Variants in TSBP1 observed in about 807,000 individuals in gnomAD.
The protein encoded by TSBP1 is testis-expressed basic protein 1.
Under a neutral mutation model 68.8 loss-of-function variants are expected in TSBP1, and 56 were observed. The ratio of observed to expected loss-of-function variants is 0.81; its 90% CI spans 0.66 to 1.02. The LOEUF (loss-of-function observed/expected upper bound fraction) is 1.02, where lower values mean the gene tolerates loss of function less well. Ranked by LOEUF, TSBP1 falls within the 50% of genes least tolerant of loss-of-function variation. The pLI, the probability that TSBP1 is intolerant of heterozygous loss-of-function variation, is 0.00. For missense variants in TSBP1, 502 were observed against 641.2 expected (o/e 0.78, Z 2.34); for synonymous variants, 171 against 208.7 (o/e 0.82, Z 1.56).
At chr6:32,366,410 G>T (rs1051624433) in intron 4 of TSBP1, 108 bp from the exon 5 acceptor site, 36 of 1,050,786 alleles carry the variant, frequency 3.4e-5, no homozygotes, top group Non-Finnish European at 5.3e-5. Flanking sequence ...AGATCTCTGA[G>T]AAGAAAAATC....
intron 19 of TSBP1, among the ~76,000 whole-genome samples, chr6:32,307,708 C>T (rs1430678668): frequency 6.6e-6 from 1 of 150,734 alleles, no homozygotes; most frequent in Non-Finnish European, 1.5e-5. Context: ...TATAAGCTCA[C>T]AACTTTCACT....
At chr6:32,335,000 C>T (rs768130448) in intron 14 of TSBP1, among the ~76,000 whole-genome samples, 1 of 152,060 alleles carries the variant, frequency 6.6e-6, no homozygotes, top group Non-Finnish European at 1.5e-5. Context: ...TGCCACTGCA[C>T]TCCAGCCCGG....
intron 9 of TSBP1, among the ~76,000 whole-genome samples, chr6:32,347,143 A>G (rs2127623830): frequency 6.8e-6 from 1 of 146,836 alleles, no homozygotes; most frequent in Non-Finnish European, 1.5e-5. Flanking sequence ...TTAAAAAACC[A>G]TGTCTCTTAC....
chr6:32,304,877 CT>C lies in TSBP1; in HGVS notation c.581-2249del, dbSNP rs1210425169. Among the ~76,000 whole-genome samples the C allele has an allele frequency of 2.0e-5, 3 of 152,172 alleles. No individual in the cohort carries two copies. The highest frequency in any genetic ancestry group is 4.8e-5 in the African/African-American group (2 of 41,544). The stretch of plus-strand genomic sequence containing the variant: ...CTTATTTTAAGTTTTGCTTCTTTTA[CT>C]TTTTTTCCTATTTCAGTCTCTAATC... On this transcript the variant is annotated intron_variant, in intron 19 of 22. Coordinates refer to ENST00000612031, the Ensembl canonical transcript of TSBP1. This position sits in a 1 kb window ranked among gnomAD's most constrained non-coding sequence, Gnocchi z 4.8.
chr6:32,367,753 T>C (rs1773923434), intron 4 of TSBP1, among the ~76,000 whole-genome samples, 172 bp downstream of exon 4: 1 of 143,022 alleles, frequency 7.0e-6, no homozygotes, highest in South Asian at 2.5e-4. Context: ...TTACCTTTTC[T>C]GAGAAAAATG....
intron 22 of TSBP1, among the ~76,000 whole-genome samples, chr6:32,299,595 C>T (rs973139847): frequency 2.0e-5 from 3 of 152,174 alleles, no homozygotes; most frequent in African/African-American, 7.2e-5. Context: ...GCTTCATCTT[C>T]TCTACAGCAA....
rs1366736181 is a variant in TSBP1, at chr6:32,321,589, A to T, written c.559+1528T>A. On this transcript the variant is annotated intron_variant, in intron 18 of 22. Coordinates refer to ENST00000612031, the Ensembl canonical transcript of TSBP1. The surrounding 1 kb of genome is among the most constrained non-coding windows in gnomAD (Gnocchi z 4.3). ...GTATTTTTATCTGTGCCGTGAGAAT[A>T]CTTAGCCGATCAGCCTCTTTGCTAA... is the stretch of plus-strand genomic sequence containing the variant. 1.3e-5 allele frequency among the ~76,000 whole-genome samples: 2 copies of T among 152,276 alleles called. No individual in the cohort carries two copies. Among genetic ancestry groups the T allele is most frequent in the South Asian group, 4.1e-4 (2 of 4,822 alleles).
At chr6:32,293,553 C>G in exon 23 of TSBP1, 1 of 1,612,392 alleles carries the variant, frequency 6.2e-7, no homozygotes, top group Non-Finnish European at 8.5e-7. Flanking sequence ...CTTGGCACAC[C>G]CATCTCACTC....
rs763893397 is a variant in TSBP1 at position 32,333,656 on chromosome 6, C to T, written c.473-1602G>A. Reference sequence around the variant, plus strand: ...AGAGGGATAGCTGTTAATGCCCTTGCTGGCAAACTGTGCTTCCTCCCTTAG... The same window carrying T: ...AGAGGGATAGCTGTTAATGCCCTTGTTGGCAAACTGTGCTTCCTCCCTTAG... On this transcript the variant is annotated intron_variant, in intron 14 of 22. Transcript: ENST00000612031. This position sits in a 1 kb window ranked among gnomAD's most constrained non-coding sequence, Gnocchi z 4.2. Among the ~76,000 whole-genome samples, 4 of 152,188 alleles carry T rather than the reference C, an allele frequency of 2.6e-5. No homozygotes were observed. The highest frequency in any genetic ancestry group is 4.4e-5 in the Non-Finnish European group (3 of 68,034).
intron 19 of TSBP1, among the ~76,000 whole-genome samples, chr6:32,303,283 G>T (rs1476923569): frequency 1.3e-5 from 2 of 150,468 alleles, no homozygotes; most frequent in African/African-American, 4.9e-5. Context: ...GTAGTTGTGG[G>T]TTTTTCTGTT....
At chr6:32,294,543 T>G (rs187455000) in intron 22 of TSBP1, among the ~76,000 whole-genome samples, 33 of 152,372 alleles carry the variant, frequency 2.2e-4, no homozygotes, top group African/African-American at 7.0e-4. Context: ...CTAAGCACTT[T>G]ATGTATTAAA....
At chr6:32,319,320 C>G (rs1337768511) in intron 18 of TSBP1, among the ~76,000 whole-genome samples, 6 of 131,006 alleles carry the variant, frequency 4.6e-5, no homozygotes, top group Non-Finnish European at 1.0e-4. Flanking sequence ...TGATCACTCT[C>G]TCCTTGCCAC....
chr6:32,295,360 A>C (rs148599385), intron 22 of TSBP1, among the ~76,000 whole-genome samples: 20,399 of 150,252 alleles, frequency 0.14, 2,429 homozygotes, highest in African/African-American at 0.31. Context: ...AAAAAAAAAA[A>C]AAAAAAAAAA....
chr6:32,327,654 C>CTTTTATTTTCTTTCTTTCTTTTT (rs70993815), intron 16 of TSBP1, among the ~76,000 whole-genome samples: 8 of 147,056 alleles, frequency 5.4e-5, no homozygotes, highest in Non-Finnish European at 7.5e-5. Context: ...TTTTCTTTTT[C>CTTTTATTTTCTTTCTTTCTTTTT]TTTTTTTTTT....
chr6:32,349,422 C>A (rs1268291076), intron 9 of TSBP1: 2 of 226,798 alleles, frequency 8.8e-6, no homozygotes, highest in Non-Finnish European at 1.7e-5. Context: ...TCATTTATCC[C>A]TCATTCTATA....
chr6:32,309,130 TG>T (rs113361661), intron 19 of TSBP1, among the ~76,000 whole-genome samples: 10,321 of 151,902 alleles, frequency 0.068, 402 homozygotes, highest in South Asian at 0.098. Context: ...TTGTATTTTT[TG>T]TAGAGACAGG....
chr6:32,342,365 G>A (rs1770481063), intron 9 of TSBP1, among the ~76,000 whole-genome samples: 2 of 152,024 alleles, frequency 1.3e-5, no homozygotes, highest in South Asian at 4.2e-4. Flanking sequence ...GTTTCAGCAG[G>A]CTGGTCTCGA....
intron 8 of TSBP1, among the ~76,000 whole-genome samples, chr6:32,352,516 T>C (rs954176916): frequency 1.3e-5 from 2 of 151,792 alleles, no homozygotes; most frequent in Non-Finnish European, 2.9e-5. Flanking sequence ...GAACAGAGCA[T>C]AGTACTGTAA....
At chr6:32,330,480 C>G in intron 16 of TSBP1, 109 bp downstream of exon 17, 1 of 930,098 alleles carries the variant, frequency 1.1e-6, no homozygotes, top group Non-Finnish European at 1.6e-6. Context: ...AAAATAACTG[C>G]TCTTATGGCA....
Sources: gnomAD v4.1 joint callset for allele counts (sites outside exome capture counted in the v4.1 genomes callset) on GRCh38, gnomAD v4.1.1 for gene constraint, Gnocchi (gnomAD v3.1) non-coding constraint, MANE v1.5 for transcripts, NCBI Gene and HGNC (gene_info 2026-07-23, HGNC 2026-07-21) for gene names.